The following FBRS variants were observed in gnomAD, a reference collection of about 807,000 sequenced individuals.
FBRS encodes the protein fibrosin, also known as probable fibrosin-1.
In FBRS, 15 loss-of-function variants were observed where a neutral mutation model predicts 86.1. The observed-to-expected ratio is 0.17, with a 90% CI of 0.12 to 0.27. The LOEUF (loss-of-function observed/expected upper bound fraction) is 0.27, where lower values mean the gene tolerates loss of function less well. Among genes scored for constraint, FBRS ranks in the 10% least tolerant of loss-of-function variants. FBRS has a pLI of 1.00. For missense variants in FBRS, 1,367 were observed against 1,301.6 expected, an observed-to-expected ratio of 1.05 and a Z score of -0.77; for synonymous variants, 666 against 575.8, an observed-to-expected ratio of 1.16 and a Z score of -2.24.
At position 30,665,494 on chromosome 16, in the gene FBRS, G is replaced by A. The variant is rs530345369; in HGVS notation, c.1704+93G>A. On this transcript the variant is annotated intron_variant, in intron 10 of 17. Coordinates refer to ENST00000356166, the MANE Select transcript of FBRS (RefSeq NM_001105079.3). The surrounding 1 kb of genome is among the most constrained non-coding windows in gnomAD (Gnocchi z 4.1). ...CACCCTTCTCCCATTCCCCAAAGTC[G>A]TGCCCATCCTCCTGCCCTGCCCTGC... The A allele has an allele frequency of 3.8e-4, 535 of 1,425,098 alleles. 3 individuals carry two copies. In the South Asian group the frequency reaches 6.0e-3, roughly 16 times the overall value. The allele number at this position is 1,425,098 out of a possible 1,614,324, so 88.3% of individuals were successfully genotyped here.
Position 30,659,382 on chromosome 16 carries a change from G to A in FBRS, c.-137G>A. On this transcript the variant is annotated 5_prime_UTR_variant, in exon 1 of 18. Transcript: ENST00000356166. ...TGGCCTTGGGGCAAGCTCGGGGCCA[G>A]CAGATCCGGCTTTAAAGGAGAAGCC... The A allele has an allele frequency of 5.0e-6, 1 of 199,742 alleles. No homozygotes were observed. The highest frequency in any genetic ancestry group is 1.0e-5 in the Non-Finnish European group (1 of 100,016). The allele number at this position is 199,742 out of a possible 1,614,324, so 12.4% of individuals were successfully genotyped here. A position where few individuals can be genotyped will look rare whatever the true frequency, so the allele number is the denominator to read the frequency against.
At chr16:30,660,122 C>T in intron 1 of FBRS, 141 bp from the exon 2 acceptor site, 2 of 1,427,396 alleles carry the variant, frequency 1.4e-6, no homozygotes, top group Non-Finnish European at 1.8e-6. Context: ...CTCTGCCCCG[C>T]CCTGGGGTGG....
In FBRS at chr16:30,669,698, G is replaced by T; in HGVS notation, c.*53G>T. 6.6e-7 allele frequency: 1 copy of T among 1,515,328 alleles called. No homozygotes were observed. Among genetic ancestry groups the T allele is most frequent in the Middle Eastern group, 1.8e-4 (1 of 5,662 alleles). 93.9% of individuals were successfully genotyped at this position (1,515,328 alleles called of 1,614,324 possible). ...CTCCATCTCCCCTTCCTTTAACCAG[G>T]TCCTAGGGCTGAGGTTTTAAGCCAG... On this transcript the variant is annotated 3_prime_UTR_variant, in exon 18 of 18. Transcript: ENST00000356166. The surrounding 1 kb of genome is among the most constrained non-coding windows in gnomAD (Gnocchi z 5.9).
chr16:30,669,215 C>T lies in FBRS; in HGVS notation c.2513C>T (p.Ala838Val). The T allele has an allele frequency of 6.5e-7, 1 of 1,544,370 alleles. No homozygotes were observed. The highest frequency in any genetic ancestry group is 8.7e-7 in the Non-Finnish European group (1 of 1,143,582). The change falls in exon 18 of 18, where the codon GCT becomes GTT. Residue 838 changes from alanine (A) to valine (V), a missense_variant. Around this residue, in one of 3 missense-constraint regions of FBRS, gnomAD observed 659 missense variants for 678.8 expected, o/e 0.97. Coordinates refer to ENST00000356166, the MANE Select transcript of FBRS (RefSeq NM_001105079.3). The surrounding 1 kb of genome is among the most constrained non-coding windows in gnomAD (Gnocchi z 5.9). ...KEEAAAAAAA[A>V]AAAAAAAAAA... ...GAGGCTGCCGCCGCCGCTGCCGCTG[C>T]TGCTGCCGCCGCCGCTGCCGCCGCC...
Position 30,665,311 on chromosome 16 carries a change from C to T in FBRS, c.1614C>T (p.Tyr538=), listed in dbSNP as rs776329618. 18 of 1,561,490 alleles carry T rather than the reference C, an allele frequency of 1.2e-5. No homozygotes were observed. In the South Asian group the frequency reaches 1.8e-4, roughly 15 times the overall value. ...KMEGLFRHNP[Y]TAFPPAVPGL... ...AGTCCCCCTTCTCTCCACAGCCGTACACGGCCTTCCCTCCCGCAGTGCCCG... is the reference window on the plus strand; with the variant it reads ...AGTCCCCCTTCTCTCCACAGCCGTATACGGCCTTCCCTCCCGCAGTGCCCG... Residue 538 remains tyrosine (Y), a synonymous_variant, in exon 10 of 18, where the codon TAC becomes TAT. Transcript: ENST00000356166. This position sits in a 1 kb window ranked among gnomAD's most constrained non-coding sequence, Gnocchi z 4.1.
At chr16:30,666,848 A>C (rs1596618466) in intron 12 of FBRS, 71 bp from the exon 13 acceptor site, 2 of 1,511,424 alleles carry the variant, frequency 1.3e-6, no homozygotes, top group African/African-American at 1.4e-5. Context: ...GCCCAGAGCC[A>C]GGCCTGGAGT....
chr16:30,661,029 TG>T, intron 2 of FBRS, 150 bp from the exon 3 acceptor site: 2 of 1,245,858 alleles, frequency 1.6e-6, no homozygotes, highest in Non-Finnish European at 1.1e-6. Flanking sequence ...GTGAGAGCAC[TG>T]GGACCCGGGT....
chr16:30,669,370 C>T lies in FBRS; in HGVS notation c.2668C>T (p.Arg890Cys), dbSNP rs773484659. The change falls in exon 18 of 18, where the codon CGC (arginine) becomes TGC (cysteine). Residue 890 changes from arginine (R) to cysteine (C), a missense_variant. Physicochemically the swap from Arg to Cys is radical, Grantham distance 180. Around this residue, in one of 3 missense-constraint regions of FBRS, gnomAD observed 659 missense variants for 678.8 expected, o/e 0.97. Transcript: ENST00000356166. This position sits in a 1 kb window ranked among gnomAD's most constrained non-coding sequence, Gnocchi z 5.9. ...LEPTWLAAPP[R>C]LARPPRFYEA... ...GCCAACCTGGTTGGCAGCACCCCCA[C>T]GCCTGGCAAGGCCACCCCGCTTCTA... is the stretch of plus-strand genomic sequence containing the variant. The T allele has an allele frequency of 1.7e-5, 27 of 1,612,730 alleles. 1 individual carries two copies. Among genetic ancestry groups the T allele is most frequent in the South Asian group, 8.8e-5 (8 of 91,070 alleles).
At chr16:30,664,642 G>A in intron 7 of FBRS, 73 bp from the exon 8 acceptor site, 2 of 1,449,618 alleles carry the variant, frequency 1.4e-6, no homozygotes, top group Non-Finnish European at 9.1e-7. Flanking sequence ...AGGCCAGAGG[G>A]AAGGCAGTCA....
rs376987425 is a variant in FBRS, at chr16:30,667,571, A to G, written c.2023A>G (p.Thr675Ala). The change falls in exon 15 of 18, where the codon ACG becomes GCG. Residue 675 changes from threonine (T) to alanine (A), a missense_variant. Transcript: ENST00000356166. ...CGTCCACGCTGCAGCCAACCCTTTC[A>G]CGGCAGCTCCCGGGGCCCACGGACC... Reference protein sequence around the residue: ...GAVHAAANPFTAAPGAHGPFL... With the variant: ...GAVHAAANPFAAAPGAHGPFL... The G allele has an allele frequency of 1.4e-4, 211 of 1,542,846 alleles. No homozygotes were observed. The highest frequency in any genetic ancestry group is 5.5e-4 in the Admixed American group (27 of 49,124).
At chr16:30,662,081 C>T (rs537758690) in intron 4 of FBRS, 3 of 285,412 alleles carry the variant, frequency 1.1e-5, no homozygotes, top group South Asian at 1.2e-4. Context: ...CTTTTACCAA[C>T]GCTGGTGGAC....
At chr16:30,667,459 G>C (rs1267433277) in intron 14 of FBRS, 22 bp downstream of exon 14, 2 of 1,523,500 alleles carry the variant, frequency 1.3e-6, no homozygotes, top group African/African-American at 1.4e-5. Context: ...CAGCCCCCTC[G>C]GGCCTGAGGT....
Position 30,665,540 on chromosome 16 carries a change from G to T in FBRS, c.1705-98G>T. On this transcript the variant is annotated intron_variant, in intron 10 of 17. Coordinates refer to ENST00000356166, the MANE Select transcript of FBRS (RefSeq NM_001105079.3). The surrounding 1 kb of genome is among the most constrained non-coding windows in gnomAD (Gnocchi z 4.1). The stretch of plus-strand genomic sequence containing the variant: ...CCTGCTGCACCCAGTTTTCTCCAAA[G>T]CCATGATCCCTCCCTGCCCAGTGTC... 1 of 1,469,536 alleles carries T rather than the reference G, an allele frequency of 6.8e-7. No homozygotes were observed. The allele number at this position is 1,469,536 out of a possible 1,614,324, so 91.0% of individuals were successfully genotyped here. A position where few individuals can be genotyped will look rare whatever the true frequency, so the allele number is the denominator to read the frequency against.
Position 30,669,561 on chromosome 16 carries a change from T to C in FBRS, c.2859T>C (p.Leu953=), listed in dbSNP as rs747019705. The change falls in exon 18 of 18, where the codon CTT becomes CTC. Residue 953 remains leucine (L), a synonymous_variant. Coordinates refer to ENST00000356166, the MANE Select transcript of FBRS (RefSeq NM_001105079.3). The surrounding 1 kb of genome is among the most constrained non-coding windows in gnomAD (Gnocchi z 5.9). Reference sequence around the variant, plus strand: ...TCAGCAAGACCCCACCGGGAGCCCTTTTGGGGGCACCACCTCCGCTTGTGC... The same window carrying C: ...TCAGCAAGACCCCACCGGGAGCCCTCTTGGGGGCACCACCTCCGCTTGTGC... ...HLLSKTPPGA[L]LGAPPPLVPA... The C allele has an allele frequency of 6.2e-7, 1 of 1,612,588 alleles. No individual in the cohort carries two copies. Among genetic ancestry groups the C allele is most frequent in the Non-Finnish European group, 8.5e-7 (1 of 1,179,738 alleles).
rs1165292663 is a variant in FBRS at position 30,669,201 on chromosome 16, CGCCGCT to C, written c.2508_2513del (p.Ala848_Ala849del). The C allele has an allele frequency of 9.7e-6, 15 of 1,544,362 alleles. No homozygotes were observed. In the African/African-American group the frequency reaches 1.2e-4, roughly 13 times the overall value. On this transcript the variant is annotated inframe_deletion, in exon 18 of 18. Transcript: ENST00000356166. The surrounding 1 kb of genome is among the most constrained non-coding windows in gnomAD (Gnocchi z 5.9). Reference sequence around the variant, plus strand: ...AAGAGCGGAAGGAGGAGGCTGCCGCCGCCGCTGCCGCTGCTGCTGCCGCCGCCGCTG... The same window carrying C: ...AAGAGCGGAAGGAGGAGGCTGCCGCCGCCGCTGCTGCTGCCGCCGCCGCTG...
intron 1 of FBRS, 85 bp downstream of exon 1, chr16:30,660,062 G>T: frequency 1.3e-6 from 2 of 1,484,102 alleles, no homozygotes; most frequent in Non-Finnish European, 1.8e-6. Context: ...TGGAGTTGAG[G>T]GGGGAATGCT....
At position 30,662,597 on chromosome 16, in the gene FBRS, G is replaced by C. The variant is rs1489209507; in HGVS notation, c.793G>C (p.Ala265Pro). Residue 265 changes from alanine (A) to proline (P), a missense_variant, in exon 6 of 18, where the codon GCA becomes CCA. By Grantham distance (27) the Ala-to-Pro change is conservative (BLOSUM62 -1). Coordinates refer to ENST00000356166, the MANE Select transcript of FBRS (RefSeq NM_001105079.3). Reference protein sequence around the residue: ...PHGAFNGNCEAKLSVVPKVSG... With the variant: ...PHGAFNGNCEPKLSVVPKVSG... ...CGGCGCCTTCAATGGGAACTGTGAA[G>C]CAAAACTCTCCGTGGTCCCTAAAGT... 3 of 1,541,518 alleles carry C rather than the reference G, an allele frequency of 1.9e-6. No individual in the cohort carries two copies. The highest frequency in any genetic ancestry group is 1.4e-5 in the African/African-American group (1 of 72,812).
At chr16:30,668,329 A>G (rs1005470916) in intron 15 of FBRS, 4 of 524,328 alleles carry the variant, frequency 7.6e-6, no homozygotes, top group African/African-American at 1.9e-5. Context: ...CTGTTTTATC[A>G]TCTTCAAGTG....
chr16:30,670,419 G>C lies in FBRS; in HGVS notation c.*774G>C. 2.8e-6 allele frequency: 1 copy of C among 352,612 alleles called. No individual in the cohort carries two copies. The highest frequency in any genetic ancestry group is 5.6e-6 in the Non-Finnish European group (1 of 179,770). 21.8% of individuals were successfully genotyped at this position (352,612 alleles called of 1,614,324 possible). On this transcript the variant is annotated 3_prime_UTR_variant, in exon 18 of 18. Transcript: ENST00000356166. ...GTTCACTCTGCCCCCACCCCCAAAG[G>C]CTCAGCCTCTAAATCTCAGACTCCA...
Sources: gnomAD v4.1 joint callset for allele counts on GRCh38, gnomAD v4.1.1 for gene constraint, gnomAD v4.1.1 regional missense constraint, Gnocchi (gnomAD v3.1) non-coding constraint, MANE v1.5 for transcripts, NCBI Gene and HGNC (gene_info 2026-07-23, HGNC 2026-07-21) for gene names.